The following PRRC2C variants were observed in gnomAD, a reference collection of about 807,000 sequenced individuals.
PRRC2C encodes proline rich coiled-coil 2C, also known as protein PRRC2C.
PRRC2C carries 72 observed loss-of-function variants against 317.2 expected under a neutral mutation model. The observed-to-expected ratio is 0.23, with a 90% CI of 0.19 to 0.28. The LOEUF (loss-of-function observed/expected upper bound fraction) is 0.28, where lower values mean the gene tolerates loss of function less well. PRRC2C is among the 10% of genes least tolerant of loss of function. The pLI is 1.00. For synonymous variants in PRRC2C, 1,296 were observed against 1,205.9 expected (o/e 1.07, Z -1.55); for missense variants, 3,074 against 3,459.7 (o/e 0.89, Z 2.80).
chr1:171,533,050 G>A, intron 12 of PRRC2C, 89 bp downstream of exon 12: 2 of 1,249,788 alleles, frequency 1.6e-6, no homozygotes, highest in Non-Finnish European at 2.1e-6. Context: ...TTAAATATAT[G>A]TAATCAATAT....
chr1:171,549,396 A>G (rs905416233), intron 17 of PRRC2C, among the ~76,000 whole-genome samples: 4 of 152,230 alleles, frequency 2.6e-5, no homozygotes, highest in Admixed American at 6.5e-5. Flanking sequence ...TAGAATGGTT[A>G]GATGCAAATG....
At chr1:171,567,416 A>T (rs1344093291) in intron 22 of PRRC2C, among the ~76,000 whole-genome samples, 1 of 152,220 alleles carries the variant, frequency 6.6e-6, no homozygotes, top group Non-Finnish European at 1.5e-5. Context: ...CTGCGATTTT[A>T]TATTGACTCT....
intron 12 of PRRC2C, 131 bp downstream of exon 12, chr1:171,533,092 T>C (rs1490749191): frequency 2.6e-5 from 24 of 922,738 alleles, no homozygotes; most frequent in Non-Finnish European, 1.8e-5. Context: ...GCATTTGCAG[T>C]ACAAAATATG....
chr1:171,515,825 C>T lies in PRRC2C; in HGVS notation c.492C>T (p.Asp164=), dbSNP rs745503347. 6.2e-7 allele frequency: 1 copy of T among 1,611,448 alleles called. No homozygotes were observed. Among genetic ancestry groups the T allele is most frequent in the South Asian group, 1.1e-5 (1 of 90,718 alleles). The change falls in exon 5 of 35, where the codon GAC becomes GAT. Residue 164 remains aspartate (D), a synonymous_variant. Coordinates refer to ENST00000647382, the MANE Select transcript of PRRC2C (RefSeq NM_001387844.1). ...AAAAAGAAAAGGAAACAAATGATGACAACTATGGACCTGGACCCAGTTTAC... is the reference window on the plus strand; with the variant it reads ...AAAAAGAAAAGGAAACAAATGATGATAACTATGGACCTGGACCCAGTTTAC... ...QEKKEKETND[D]NYGPGPSLRP... is the part of the protein sequence containing the mutation.
chr1:171,532,279 C>G (rs1453792189), intron 11 of PRRC2C, 64 bp from the exon 12 acceptor site: 4 of 1,493,080 alleles, frequency 2.7e-6, no homozygotes, highest in Non-Finnish European at 3.6e-6. Context: ...CTTCTCCATG[C>G]CTGATACCCA....
intron 18 of PRRC2C, among the ~76,000 whole-genome samples, chr1:171,553,302 G>A (rs1680674967): frequency 6.6e-6 from 1 of 152,084 alleles, no homozygotes; most frequent in African/African-American, 2.4e-5. Flanking sequence ...GGGATTGGTG[G>A]TGATATCCCC....
In PRRC2C at chr1:171,592,226, G is replaced by C. The variant is rs1220986811; in HGVS notation, c.*379G>C. On this transcript the variant is annotated 3_prime_UTR_variant, in exon 35 of 35. Transcript: ENST00000647382. ...GCAGAGGAATAGCTCAGCCTGAACA[G>C]TGTGATGGTCCCAGCTACTACATCA... The C allele has an allele frequency of 5.8e-6, 1 of 171,540 alleles. No individual in the cohort carries two copies. Among genetic ancestry groups the C allele is most frequent in the East Asian group, 1.6e-4 (1 of 6,144 alleles). 10.6% of individuals were successfully genotyped at this position (171,540 alleles called of 1,614,324 possible). A position where few individuals can be genotyped will look rare whatever the true frequency, so the allele number is the denominator to read the frequency against.
Position 171,532,606 on chromosome 1 carries a change from T to C in PRRC2C, c.1518T>C (p.Ile506=). The C allele has an allele frequency of 6.4e-7, 1 of 1,554,832 alleles. No homozygotes were observed. The highest frequency in any genetic ancestry group is 8.7e-7 in the Non-Finnish European group (1 of 1,149,146). The change falls in exon 12 of 35, where the codon ATT becomes ATC. Residue 506 remains isoleucine (I), a synonymous_variant. Coordinates refer to ENST00000647382, the MANE Select transcript of PRRC2C (RefSeq NM_001387844.1). ...AAAAACAACCATCTCCAGAGGAAAT[T>C]AGGGAAAGGGAGCGAGAAAAAGAAC... The part of the protein sequence containing the change: ...ILEKQPSPEE[I]REREREKERE...
In PRRC2C at chr1:171,536,096, C is replaced by T; in HGVS notation, c.2111C>T (p.Ser704Leu). Residue 704 changes from serine (S) to leucine (L), a missense_variant, in exon 14 of 35, where the codon TCA (serine) becomes TTA (leucine). By Grantham distance (145) the Ser-to-Leu change is moderately radical. Coordinates refer to ENST00000647382, the MANE Select transcript of PRRC2C (RefSeq NM_001387844.1). ...QQGVLPQTVPSQPSSSTVPPP... is the reference protein window; with the variant it reads ...QQGVLPQTVPLQPSSSTVPPP... ...GGTGTACTTCCACAGACTGTTCCTTCACAACCGTCCAGTAGTACTGTCCCT... is the reference window on the plus strand; with the variant it reads ...GGTGTACTTCCACAGACTGTTCCTTTACAACCGTCCAGTAGTACTGTCCCT... The T allele has an allele frequency of 6.4e-7, 1 of 1,558,542 alleles. No individual in the cohort carries two copies. Among genetic ancestry groups the T allele is most frequent in the African/African-American group, 1.4e-5 (1 of 73,718 alleles).
intron 11 of PRRC2C, among the ~76,000 whole-genome samples, chr1:171,531,989 G>T (rs1360233637): frequency 6.6e-6 from 1 of 152,094 alleles, no homozygotes; most frequent in Admixed American, 6.6e-5. Context: ...TCCAACTCTG[G>T]CAGCTGCTTC....
At chr1:171,492,984 A>G (rs1042699879) in intron 1 of PRRC2C, among the ~76,000 whole-genome samples, 8 of 151,886 alleles carry the variant, frequency 5.3e-5, no homozygotes, top group African/African-American at 1.9e-4. Flanking sequence ...ACTGACCTCA[A>G]ATGATCCACC....
intron 15 of PRRC2C, among the ~76,000 whole-genome samples, chr1:171,538,986 A>T (rs570150255): frequency 7.4e-5 from 11 of 148,636 alleles, no homozygotes; most frequent in African/African-American, 2.8e-4. Flanking sequence ...GATTACAGGC[A>T]TGAGCCACCG....
At chr1:171,494,742 G>C (rs1667803310) in intron 1 of PRRC2C, among the ~76,000 whole-genome samples, 1 of 152,084 alleles carries the variant, frequency 6.6e-6, no homozygotes, top group South Asian at 2.1e-4. Flanking sequence ...TCTACACTAG[G>C]ATTTGGCCTC....
In PRRC2C at chr1:171,522,491, C is replaced by T. The variant is rs920015081; in HGVS notation, c.833+232C>T. On this transcript the variant is annotated intron_variant, in intron 7 of 34. Transcript: ENST00000647382. Reference sequence around the variant, plus strand: ...GGATTTTGAAAACTGAAAACCAGGCCGGGGACGGTGGCTCACCCCTGTAAT... The same window carrying T: ...GGATTTTGAAAACTGAAAACCAGGCTGGGGACGGTGGCTCACCCCTGTAAT... 3.9e-5 allele frequency: 10 copies of T among 256,692 alleles called. No homozygotes were observed. The South Asian group carries it at 7.0e-4, about 18-fold the overall frequency. 15.9% of individuals were successfully genotyped at this position (256,692 alleles called of 1,614,324 possible).
intron 34 of PRRC2C, among the ~76,000 whole-genome samples, chr1:171,590,179 G>A (rs1257614988): frequency 6.6e-6 from 1 of 151,984 alleles, no homozygotes; most frequent in South Asian, 2.1e-4. Context: ...ACCCTTATTG[G>A]CCTACCACAT....
At chr1:171,554,783 A>G (rs544923279) in intron 18 of PRRC2C, among the ~76,000 whole-genome samples, 3 of 152,326 alleles carry the variant, frequency 2.0e-5, no homozygotes, top group African/African-American at 7.2e-5. Flanking sequence ...AATGTTGAAT[A>G]TTGGCCCCCA....
chr1:171,552,668 A>G (rs1680507366), intron 18 of PRRC2C, among the ~76,000 whole-genome samples: 1 of 152,210 alleles, frequency 6.6e-6, no homozygotes, highest in Admixed American at 6.5e-5. Flanking sequence ...AGTTTTTAGT[A>G]TGAAGTGCTA....
At chr1:171,493,905 A>G (rs1024067394) in intron 1 of PRRC2C, among the ~76,000 whole-genome samples, 3 of 152,240 alleles carry the variant, frequency 2.0e-5, no homozygotes, top group African/African-American at 7.2e-5. Context: ...TACAGGCTTT[A>G]CACTATTCTA....
chr1:171,580,385 A>C (rs1406354440), intron 28 of PRRC2C, among the ~76,000 whole-genome samples: 1 of 152,234 alleles, frequency 6.6e-6, no homozygotes, highest in African/African-American at 2.4e-5. Flanking sequence ...AGAGGGGTAA[A>C]TATCAAAGCA....
Sources: allele counts gnomAD v4.1 joint callset (sites outside exome capture counted in the v4.1 genomes callset), GRCh38; gene constraint gnomAD v4.1.1; transcripts MANE v1.5; gene names NCBI Gene and HGNC (gene_info 2026-07-23, HGNC 2026-07-21).